The following PCNX4 variants were observed in gnomAD, a reference collection of about 807,000 sequenced individuals.
PCNX4 encodes the protein pecanex 4.
In PCNX4, 103 loss-of-function variants were observed where a neutral mutation model predicts 107.2. The ratio of observed to expected loss-of-function variants is 0.96; its 90% CI spans 0.82 to 1.13. The LOEUF is 1.13. PCNX4 is among the 50% of genes most tolerant of loss of function. PCNX4 has a pLI of 0.00. For synonymous variants in PCNX4, 541 were observed against 481.7 expected, an observed-to-expected ratio of 1.12 and a Z score of -1.61; for missense variants, 1,528 against 1,379.4, an observed-to-expected ratio of 1.11 and a Z score of -1.71.
rs1485667257 is a variant in PCNX4, at chr14:60,138,400, A to G, written c.*4179A>G. On this transcript the variant is annotated 3_prime_UTR_variant, in exon 11 of 11. Coordinates refer to ENST00000406854, the MANE Select transcript of PCNX4 (RefSeq NM_001330177.2). ...GACCTGCAAGATCAAAGCATGATAA[A>G]TAAAAACAAAATTACAACTTAGCAC... 1 of 152,202 alleles carries G rather than the reference A, an allele frequency of 6.6e-6. No individual in the cohort carries two copies. The highest frequency in any genetic ancestry group is 1.5e-5 in the Non-Finnish European group (1 of 68,022). 9.4% of individuals were successfully genotyped at this position (152,202 alleles called of 1,614,324 possible). A position where few individuals can be genotyped will look rare whatever the true frequency, so the allele number is the denominator to read the frequency against.
chr14:60,116,542 T>G (rs1340902212), intron 6 of PCNX4, among the ~76,000 whole-genome samples: 3 of 152,144 alleles, frequency 2.0e-5, no homozygotes, highest in Non-Finnish European at 4.4e-5. Context: ...TACTCACGTG[T>G]TTGTGGTGAT....
chr14:60,106,205 C>T (rs541618206), intron 1 of PCNX4, among the ~76,000 whole-genome samples: 33 of 152,182 alleles, frequency 2.2e-4, no homozygotes, highest in African/African-American at 8.0e-4. Flanking sequence ...AGAATAGGTT[C>T]CAGGACCTCC....
At position 60,142,171 on chromosome 14, in the gene PCNX4, TTA is replaced by T. The variant is rs1361159589; in HGVS notation, c.*7952_*7953del. On this transcript the variant is annotated 3_prime_UTR_variant, in exon 11 of 11. Coordinates refer to ENST00000406854, the MANE Select transcript of PCNX4 (RefSeq NM_001330177.2). This position sits in a 1 kb window ranked among gnomAD's most constrained non-coding sequence, Gnocchi z 4.7. ...TATGTGTTTACTCTCTTGATTGTGG[TTA>T]TGGTTCACAAGTGTAGCCATATGGC... 11 of 152,328 alleles carry T rather than the reference TTA, an allele frequency of 7.2e-5. No individual in the cohort carries two copies. The East Asian group carries it at 2.1e-3, about 29-fold the overall frequency. 9.4% of individuals were successfully genotyped at this position (152,328 alleles called of 1,614,324 possible).
At chr14:60,096,726 A>G (rs1311781518) in intron 1 of PCNX4, among the ~76,000 whole-genome samples, 1 of 152,174 alleles carries the variant, frequency 6.6e-6, no homozygotes, top group Non-Finnish European at 1.5e-5. Context: ...TATCCACCCC[A>G]TATCTCTCGT....
At chr14:60,106,262 G>A (rs1362084339) in intron 1 of PCNX4, among the ~76,000 whole-genome samples, 1 of 152,026 alleles carries the variant, frequency 6.6e-6, no homozygotes, top group Non-Finnish European at 1.5e-5. Flanking sequence ...ATATAAAATG[G>A]TATCATATAT....
intron 1 of PCNX4, among the ~76,000 whole-genome samples, chr14:60,104,059 G>A (rs960051780): frequency 6.6e-6 from 1 of 152,132 alleles, no homozygotes; most frequent in South Asian, 2.1e-4. Flanking sequence ...AGTGGCTCAC[G>A]CCTGTAATTC....
Position 60,093,910 on chromosome 14 carries a change from T to A in PCNX4, c.-54+1491T>A, listed in dbSNP as rs2140524398. 2.0e-5 allele frequency among the ~76,000 whole-genome samples: 3 copies of A among 152,358 alleles called. No homozygotes were observed. In the East Asian group the frequency reaches 5.8e-4, roughly 29 times the overall value. On this transcript the variant is annotated intron_variant, in intron 1 of 10. Transcript: ENST00000406854. ...AAGGAGGTTTGAAATGGTACCTCAT[T>A]ATGGTTTCAGTTTGTGTTTTTCTAA...
At chr14:60,116,594 G>A (rs1895853474) in intron 6 of PCNX4, among the ~76,000 whole-genome samples, 1 of 152,126 alleles carries the variant, frequency 6.6e-6, no homozygotes, top group African/African-American at 2.4e-5. Flanking sequence ...TCATATAGAA[G>A]TATAGCATAT....
chr14:60,096,972 T>G (rs1392822145), intron 1 of PCNX4, among the ~76,000 whole-genome samples: 1 of 152,226 alleles, frequency 6.6e-6, no homozygotes, highest in Non-Finnish European at 1.5e-5. Context: ...GAGAAAATTA[T>G]GTTTCAAAAA....
At position 60,110,143 on chromosome 14, in the gene PCNX4, A is replaced by G. The variant is rs74699829; in HGVS notation, c.689+1816A>G. The G allele has an allele frequency of 1.9e-3, 310 of 167,256 alleles. 2 individuals are homozygous for G. In the East Asian group the frequency reaches 0.046, roughly 25 times the overall value. 10.4% of individuals were successfully genotyped at this position (167,256 alleles called of 1,614,324 possible). On this transcript the variant is annotated intron_variant, in intron 2 of 10. Transcript: ENST00000406854. ...TGTCCCTCAGTAAAGAGCTTTTGGC[A>G]TTATGTGAGTAGAAACACTGCCAGT... is the stretch of plus-strand genomic sequence containing the variant.
At chr14:60,131,687 A>G (rs192145796) in intron 10 of PCNX4, among the ~76,000 whole-genome samples, 114 of 152,348 alleles carry the variant, frequency 7.5e-4, no homozygotes, top group African/African-American at 2.5e-3. Flanking sequence ...CTTTGTGGAA[A>G]TTGACAAGTT....
At chr14:60,106,284 A>G (rs1895627424) in intron 1 of PCNX4, among the ~76,000 whole-genome samples, 1 of 152,198 alleles carries the variant, frequency 6.6e-6, no homozygotes, top group Non-Finnish European at 1.5e-5. Flanking sequence ...CGTATAACCT[A>G]CACACTTCCT....
At chr14:60,121,061 C>T (rs1354365448) in intron 7 of PCNX4, 135 bp from the exon 8 acceptor site, 2 of 1,102,670 alleles carry the variant, frequency 1.8e-6, no homozygotes, top group Non-Finnish European at 2.5e-6. Flanking sequence ...TATTTCTGTT[C>T]TTGACCTAAT....
In PCNX4 at chr14:60,136,355, T is replaced by C. The variant is rs1896240135; in HGVS notation, c.*2134T>C. On this transcript the variant is annotated 3_prime_UTR_variant, in exon 11 of 11. Coordinates refer to ENST00000406854, the MANE Select transcript of PCNX4 (RefSeq NM_001330177.2). ...TCAACAATTGATTCTAGGCCCCCCT[T>C]TGTGTTTCTGCAATCACCATAGATA... 6.6e-6 allele frequency: 1 copy of C among 152,182 alleles called. No homozygotes were observed. The highest frequency in any genetic ancestry group is 2.1e-4 in the South Asian group (1 of 4,828). The allele number at this position is 152,182 out of a possible 1,614,324, so 9.4% of individuals were successfully genotyped here.
chr14:60,092,701 C>T (rs1180284720), intron 1 of PCNX4, among the ~76,000 whole-genome samples: 1 of 152,084 alleles, frequency 6.6e-6, no homozygotes, highest in Non-Finnish European at 1.5e-5. Context: ...TATGGCACAC[C>T]CACCCGGAGC....
rs931188990 is a variant in PCNX4 at position 60,124,726 on chromosome 14, T to C, written c.2555T>C (p.Phe852Ser). 2.5e-6 allele frequency: 4 copies of C among 1,613,108 alleles called. No homozygotes were observed. The highest frequency in any genetic ancestry group is 3.4e-6 in the Non-Finnish European group (4 of 1,179,768). Reference protein sequence around the residue: ...QLKDLPGTNLFIPGSVESQRV... With the variant: ...QLKDLPGTNLSIPGSVESQRV... ...AAAGATTTGCCAGGTACAAATTTGTTTATTCCAGGATCAGTAGAATCACAG... is the reference window on the plus strand; with the variant it reads ...AAAGATTTGCCAGGTACAAATTTGTCTATTCCAGGATCAGTAGAATCACAG... The change falls in exon 9 of 11, where the codon TTT (phenylalanine) becomes TCT (serine). Residue 852 changes from phenylalanine (F) to serine (S), a missense_variant. Physicochemically the swap from Phe to Ser is radical, Grantham distance 155. Transcript: ENST00000406854.
At chr14:60,129,904 A>C (rs1331333533) in intron 10 of PCNX4, among the ~76,000 whole-genome samples, 2 of 152,234 alleles carry the variant, frequency 1.3e-5, no homozygotes, top group African/African-American at 4.8e-5. Context: ...AATACGAGAG[A>C]AAGTCACGAA....
rs1896286766 is a variant in PCNX4, at chr14:60,139,857, T to A, written c.*5636T>A. On this transcript the variant is annotated 3_prime_UTR_variant, in exon 11 of 11. Transcript: ENST00000406854. ...ATAAATTACAATGAAAATTAGAATA[T>A]ATTTGAACTGAGTAGTGAAAGTGCT... 2 of 151,992 alleles carry A rather than the reference T, an allele frequency of 1.3e-5. No homozygotes were observed. The highest frequency in any genetic ancestry group is 2.4e-5 in the African/African-American group (1 of 41,402). 9.4% of individuals were successfully genotyped at this position (151,992 alleles called of 1,614,324 possible).
Position 60,134,405 on chromosome 14 carries a change from C to T in PCNX4, c.*184C>T. 1.5e-6 allele frequency: 1 copy of T among 653,240 alleles called. No homozygotes were observed. The highest frequency in any genetic ancestry group is 2.3e-5 in the South Asian group (1 of 42,770). The allele number at this position is 653,240 out of a possible 1,614,324, so 40.5% of individuals were successfully genotyped here. ...TGGTTCTAAAAAACAGCAAAAACAT[C>T]TTTATGTCTAAGATAAAAGAACTAT... On this transcript the variant is annotated 3_prime_UTR_variant, in exon 11 of 11. Coordinates refer to ENST00000406854, the MANE Select transcript of PCNX4 (RefSeq NM_001330177.2).
Sources: allele counts gnomAD v4.1 joint callset (sites outside exome capture counted in the v4.1 genomes callset), GRCh38; gene constraint gnomAD v4.1.1; non-coding constraint Gnocchi (gnomAD v3.1); transcripts MANE v1.5; gene names NCBI Gene and HGNC (gene_info 2026-07-23, HGNC 2026-07-21).